Variants in PALLD observed in about 807,000 individuals in gnomAD.
PALLD encodes the protein palladin, cytoskeletal associated protein.
PALLD carries 61 observed loss-of-function variants against 123.5 expected under a neutral mutation model. The ratio of observed to expected loss-of-function variants is 0.49; its 90% CI spans 0.40 to 0.61. The LOEUF is 0.61. PALLD is among the 20% of genes least tolerant of loss of function. The pLI is 0.00. For missense variants in PALLD, 1,273 were observed against 1,377.0 expected (o/e 0.92, Z 1.20); for synonymous variants, 465 against 496.4 (o/e 0.94, Z 0.84).
chr4:168,718,580 C>T (rs2150246267), intron 10 of PALLD, among the ~76,000 whole-genome samples: 1 of 152,290 alleles, frequency 6.6e-6, no homozygotes, highest in South Asian at 2.1e-4. Context: ...AATACAATCA[C>T]ACAGTTAAAA....
chr4:168,899,784 G>T (rs963233380), intron 14 of PALLD, among the ~76,000 whole-genome samples: 5 of 152,060 alleles, frequency 3.3e-5, no homozygotes, highest in African/African-American at 1.2e-4. Context: ...GGGCATGGTG[G>T]TGGGCGCCTG....
At chr4:168,900,542 A>G (rs945139440) in intron 14 of PALLD, among the ~76,000 whole-genome samples, 1 of 152,210 alleles carries the variant, frequency 6.6e-6, no homozygotes, top group African/African-American at 2.4e-5. Context: ...ATAAAAAAAT[A>G]CCTGACACTT....
intron 2 of PALLD, among the ~76,000 whole-genome samples, chr4:168,522,728 G>A (rs1421247156): frequency 6.6e-6 from 1 of 152,186 alleles, no homozygotes; most frequent in African/African-American, 2.4e-5. Flanking sequence ...ATGCAAAATA[G>A]TTCTACCAGT....
chr4:168,707,803 A>G (rs1784369395), intron 8 of PALLD, among the ~76,000 whole-genome samples: 1 of 152,254 alleles, frequency 6.6e-6, no homozygotes, highest in Non-Finnish European at 1.5e-5. Flanking sequence ...AATAACCAAT[A>G]GAATCACTTT....
chr4:168,890,862 T>C, intron 10 of PALLD, 60 bp from the exon 11 acceptor site: 1 of 1,588,764 alleles, frequency 6.3e-7, no homozygotes, highest in South Asian at 1.1e-5. Flanking sequence ...GACTTGAACG[T>C]TTGACTTGGA....
At chr4:168,794,450 C>T (rs1341395099) in intron 10 of PALLD, among the ~76,000 whole-genome samples, 2 of 103,220 alleles carry the variant, frequency 1.9e-5, no homozygotes, top group East Asian at 2.2e-4. Context: ...CATAGACATA[C>T]GCGCAGCGCA....
At chr4:168,692,713 A>G (rs1782744694) in intron 8 of PALLD, among the ~76,000 whole-genome samples, 2 of 152,270 alleles carry the variant, frequency 1.3e-5, no homozygotes, top group Admixed American at 6.5e-5. Flanking sequence ...TTGTGTATAA[A>G]TAAGGCTAAA....
chr4:168,725,860 A>G (rs1347207920), intron 10 of PALLD, among the ~76,000 whole-genome samples: 1 of 152,208 alleles, frequency 6.6e-6, no homozygotes, highest in Non-Finnish European at 1.5e-5. Flanking sequence ...AGTTTTAGAA[A>G]AAACTAAAAC....
intron 2 of PALLD, among the ~76,000 whole-genome samples, chr4:168,576,685 G>A (rs569249298): frequency 1.5e-3 from 229 of 151,894 alleles, no homozygotes; most frequent in African/African-American, 5.2e-3. Flanking sequence ...GAATAGTGCC[G>A]CAATAAACAT....
intron 10 of PALLD, among the ~76,000 whole-genome samples, chr4:168,868,511 T>C (rs1309443842): frequency 6.6e-6 from 1 of 152,154 alleles, no homozygotes; most frequent in East Asian, 1.9e-4. Flanking sequence ...TCATTCTCCT[T>C]CCAGAAATAA....
rs138660625 is a variant in PALLD, at chr4:168,698,622, G to A, written c.1501+7330G>A. ...TGAGGCCCCACCAGACTGCTCCACC[G>A]AGTGAGCCTTATATTTCCCAGATTC... On this transcript the variant is annotated intron_variant, in intron 8 of 21. Transcript: ENST00000505667. Among the ~76,000 whole-genome samples the A allele has an allele frequency of 2.0e-5, 3 of 152,088 alleles. No individual in the cohort carries two copies. In the East Asian group the frequency reaches 5.8e-4, roughly 29 times the overall value.
chr4:168,576,992 T>C (rs2149633148), intron 2 of PALLD, among the ~76,000 whole-genome samples: 1 of 152,212 alleles, frequency 6.6e-6, no homozygotes, highest in South Asian at 2.1e-4. Context: ...CATAAAATGA[T>C]TAGTAGTGAT....
chr4:168,611,450 C>A lies in PALLD; in HGVS notation c.909-56740C>A, dbSNP rs146112366. 3.7e-3 allele frequency among the ~76,000 whole-genome samples: 564 copies of A among 152,314 alleles called. 4 individuals carry two copies. The highest frequency in any genetic ancestry group is 0.013 in the African/African-American group (529 of 41,572). On this transcript the variant is annotated intron_variant, in intron 2 of 21. Coordinates refer to ENST00000505667, the MANE Select transcript of PALLD (RefSeq NM_001166108.2). The stretch of plus-strand genomic sequence containing the variant: ...TGCCAGAGCTCCTAAAGCACAAACA[C>A]AAAGGTAGCACCTTCCTCTCTTCTT...
chr4:168,755,525 G>C (rs4508847), intron 10 of PALLD, among the ~76,000 whole-genome samples: 5,753 of 152,174 alleles, frequency 0.038, 306 homozygotes, highest in African/African-American at 0.12. Context: ...TAGAAGATGA[G>C]ATTGGAGAAA....
chr4:168,576,341 C>G (rs533596272), intron 2 of PALLD, among the ~76,000 whole-genome samples: 2 of 151,954 alleles, frequency 1.3e-5, no homozygotes, highest in African/African-American at 4.8e-5. Context: ...CCCAGTAACT[C>G]GTCATTTAAC....
intron 2 of PALLD, among the ~76,000 whole-genome samples, chr4:168,613,745 C>T (rs11940545): frequency 1.3e-5 from 2 of 152,050 alleles, no homozygotes; most frequent in Non-Finnish European, 2.9e-5. Context: ...ACAGAGTGTG[C>T]CCCAAGTCAT....
intron 2 of PALLD, among the ~76,000 whole-genome samples, chr4:168,555,373 T>C (rs1429584396): frequency 6.6e-6 from 1 of 152,064 alleles, no homozygotes; most frequent in Non-Finnish European, 1.5e-5. Context: ...TTTCCCTAAC[T>C]AAAAAGGAGG....
chr4:168,887,162 T>C (rs1753487374), intron 10 of PALLD, among the ~76,000 whole-genome samples: 1 of 151,884 alleles, frequency 6.6e-6, no homozygotes, highest in Non-Finnish European at 1.5e-5. Context: ...AATCAGTTTT[T>C]ACTTGAGCCA....
At chr4:168,716,456 C>T (rs1436490291) in intron 10 of PALLD, among the ~76,000 whole-genome samples, 1 of 152,110 alleles carries the variant, frequency 6.6e-6, no homozygotes, top group African/African-American at 2.4e-5. Context: ...TTGCTCTTAC[C>T]CCAGTCTCTA....
Sources: gnomAD v4.1 joint callset for allele counts (sites outside exome capture counted in the v4.1 genomes callset) on GRCh38, gnomAD v4.1.1 for gene constraint, MANE v1.5 for transcripts, NCBI Gene and HGNC (gene_info 2026-07-23, HGNC 2026-07-21) for gene names.